Variants in PRDM16 observed in about 807,000 individuals in gnomAD.
PRDM16 encodes the protein PR/SET domain 16.
A neutral mutation model predicts 110.6 loss-of-function variants in PRDM16; 23 were observed. That is an observed-to-expected ratio of 0.21 (90% confidence interval 0.15 to 0.29). The LOEUF (loss-of-function observed/expected upper bound fraction) is 0.29. Ranked by LOEUF, PRDM16 falls within the 10% of genes least tolerant of loss-of-function variation. PRDM16 has a pLI of 1.00. For synonymous variants in PRDM16, 799 were observed against 781.8 expected (o/e 1.02, Z -0.37); for missense variants, 1,615 against 1,794.3 (o/e 0.90, Z 1.81).
At chr1:3,192,962 G>A (rs1638351289) in intron 2 of PRDM16, among the ~76,000 whole-genome samples, 1 of 152,194 alleles carries the variant, frequency 6.6e-6, no homozygotes, top group Non-Finnish European at 1.5e-5. Flanking sequence ...CGAGATCCCT[G>A]GTGATTCATG....
intron 2 of PRDM16, among the ~76,000 whole-genome samples, chr1:3,240,088 G>GAGGAGAGGAA (rs1639633633): frequency 6.9e-6 from 1 of 145,768 alleles, no homozygotes; most frequent in Non-Finnish European, 1.5e-5. Flanking sequence ...GAGGAGAGGA[G>GAGGAGAGGAA]AGGAGAGGAG....
chr1:3,347,185 C>T (rs1642378659), intron 3 of PRDM16, among the ~76,000 whole-genome samples: 1 of 152,230 alleles, frequency 6.6e-6, no homozygotes, highest in African/African-American at 2.4e-5. Flanking sequence ...TCCCAGGACA[C>T]TGGTTCCTGG....
intron 1 of PRDM16, among the ~76,000 whole-genome samples, chr1:3,083,503 C>T (rs931213782): frequency 6.6e-6 from 1 of 152,122 alleles, no homozygotes; most frequent in Non-Finnish European, 1.5e-5. Flanking sequence ...GCCTGGGCTT[C>T]TTCATCATTT....
chr1:3,267,995 A>G (rs1339377174), intron 3 of PRDM16, among the ~76,000 whole-genome samples: 1 of 152,196 alleles, frequency 6.6e-6, no homozygotes, highest in Non-Finnish European at 1.5e-5. Flanking sequence ...TTCGCAAGCA[A>G]CGCGGGTGCA....
At chr1:3,372,674 C>T (rs1433946224) in intron 3 of PRDM16, among the ~76,000 whole-genome samples, 1 of 152,276 alleles carries the variant, frequency 6.6e-6, no homozygotes, top group Admixed American at 6.5e-5. Flanking sequence ...GTGCAACCTT[C>T]AGGCTCAGAG....
At chr1:3,357,674 C>T (rs948790629) in intron 3 of PRDM16, among the ~76,000 whole-genome samples, 2 of 152,248 alleles carry the variant, frequency 1.3e-5, no homozygotes, top group African/African-American at 4.8e-5. Flanking sequence ...CGTCTACGCC[C>T]ATGGCCGCGA....
chr1:3,312,432 C>T (rs1641483917), intron 3 of PRDM16, among the ~76,000 whole-genome samples: 1 of 152,342 alleles, frequency 6.6e-6, no homozygotes, highest in Middle Eastern at 3.4e-3. Context: ...CAGCCTCCTC[C>T]GAGGTCTGTC....
intron 1 of PRDM16, among the ~76,000 whole-genome samples, chr1:3,070,958 G>C (rs946274327): frequency 6.6e-6 from 1 of 152,226 alleles, no homozygotes; most frequent in African/African-American, 2.4e-5. Flanking sequence ...GAACAAGACC[G>C]GGCGTTTCGC....
At position 3,373,592 on chromosome 1, in the gene PRDM16, C is replaced by G. The variant is rs937551040; in HGVS notation, c.439-11560C>G. 2.6e-5 allele frequency among the ~76,000 whole-genome samples: 4 copies of G among 152,364 alleles called. No homozygotes were observed. The East Asian group carries it at 5.8e-4, about 22-fold the overall frequency. On this transcript the variant is annotated intron_variant, in intron 3 of 16. Transcript: ENST00000270722. ...GGCCACAGAACCAGGCCTGGTCAAC[C>G]TGGCGTGACAGACTTGATCCACCCC...
chr1:3,276,717 G>GAGGGGTGCCGTGAACAGAGCCAGCA (rs1461564825), intron 3 of PRDM16, among the ~76,000 whole-genome samples: 1 of 134,592 alleles, frequency 7.4e-6, no homozygotes, highest in East Asian at 1.9e-4. Flanking sequence ...CAGAGCCAGC[G>GAGGGGTGCCGTGAACAGAGCCAGCA]AGGGGTGCCT....
chr1:3,386,645 G>A (rs1348330729), intron 4 of PRDM16: 1 of 152,174 alleles, frequency 6.6e-6, no homozygotes, highest in Non-Finnish European at 1.5e-5. Flanking sequence ...CATAAGAGCA[G>A]AACTTAAAAA....
intron 4 of PRDM16, among the ~76,000 whole-genome samples, chr1:3,386,166 T>TG (rs377469121): frequency 1.3e-5 from 2 of 150,926 alleles, no homozygotes; most frequent in African/African-American, 4.9e-5. Context: ...GTGCCCGGGG[T>TG]CCCCGGCCCC....
chr1:3,131,050 G>T (rs1202005743), intron 1 of PRDM16, among the ~76,000 whole-genome samples: 1 of 152,178 alleles, frequency 6.6e-6, no homozygotes, highest in Non-Finnish European at 1.5e-5. Context: ...CCTGCAGGGA[G>T]GCCCCTGCCC....
At chr1:3,277,759 A>ACACGCG (rs1557576380) in intron 3 of PRDM16, among the ~76,000 whole-genome samples, 1 of 136,364 alleles carries the variant, frequency 7.3e-6, no homozygotes, top group African/African-American at 3.4e-5. Context: ...ACACACATGC[A>ACACGCG]CACACGCGCA....
At chr1:3,102,273 C>T (rs996718036) in intron 1 of PRDM16, among the ~76,000 whole-genome samples, 2 of 152,176 alleles carry the variant, frequency 1.3e-5, no homozygotes, top group African/African-American at 4.8e-5. Context: ...GGAGGGAGGA[C>T]CTGCCAGCAC....
intron 3 of PRDM16, among the ~76,000 whole-genome samples, chr1:3,326,704 C>T (rs1570079313): frequency 6.6e-6 from 1 of 152,232 alleles, no homozygotes; most frequent in Non-Finnish European, 1.5e-5. Flanking sequence ...GGTCTCGAAG[C>T]AGTGGCCACC....
chr1:3,197,372 G>A (rs892073096), intron 2 of PRDM16, among the ~76,000 whole-genome samples: 6 of 152,336 alleles, frequency 3.9e-5, no homozygotes, highest in East Asian at 3.9e-4. Context: ...GCCCCAGCTC[G>A]TCGTGGGCAC....
intron 1 of PRDM16, among the ~76,000 whole-genome samples, chr1:3,138,989 C>T (rs1213787403): frequency 3.3e-5 from 5 of 152,106 alleles, no homozygotes; most frequent in South Asian, 2.1e-4. Flanking sequence ...GTGCTGTGGG[C>T]GTTCAACTTT....
chr1:3,355,849 C>A (rs1486034521), intron 3 of PRDM16, among the ~76,000 whole-genome samples: 1 of 152,210 alleles, frequency 6.6e-6, no homozygotes. Flanking sequence ...CCCGCCCAGC[C>A]TGTGTGTCTG....
Sources: allele counts gnomAD v4.1 joint callset (sites outside exome capture counted in the v4.1 genomes callset), GRCh38; gene constraint gnomAD v4.1.1; transcripts MANE v1.5; gene names NCBI Gene and HGNC (gene_info 2026-07-23, HGNC 2026-07-21).